Variants in KIF20B observed in about 807,000 individuals in gnomAD.
KIF20B encodes kinesin family member 20B.
Under a neutral mutation model 232.5 loss-of-function variants are expected in KIF20B, and 188 were observed. The ratio of observed to expected loss-of-function variants is 0.81; its 90% CI spans 0.72 to 0.91. The LOEUF (loss-of-function observed/expected upper bound fraction) is 0.91. Among genes scored for constraint, KIF20B ranks in the 40% least tolerant of loss-of-function variants. The pLI, the probability that KIF20B is intolerant of heterozygous loss-of-function variation, is 0.00. For missense variants in KIF20B, 2,154 were observed against 2,055.9 expected (o/e 1.05, Z -0.92); for synonymous variants, 712 against 683.0 (o/e 1.04, Z -0.66).
chr10:89,743,949 G>C (rs773821973), intron 22 of KIF20B, 22 bp downstream of exon 22: 1 of 1,567,060 alleles, frequency 6.4e-7, no homozygotes, highest in Non-Finnish European at 8.6e-7. Flanking sequence ...TGTTTTTAAA[G>C]ATGATTTAAA....
chr10:89,742,174 A>C (rs1425883120), intron 21 of KIF20B, among the ~76,000 whole-genome samples: 1 of 152,210 alleles, frequency 6.6e-6, no homozygotes, highest in Admixed American at 6.5e-5. Flanking sequence ...ACCTCACTGC[A>C]AAAGTTATGG....
Position 89,757,040 on chromosome 10 carries a change from G to GTGTA in KIF20B, c.4504-1665_4504-1664insGTAT, listed in dbSNP as rs1301847520. Among the ~76,000 whole-genome samples, 626 of 110,718 alleles carry GTGTA rather than the reference G, an allele frequency of 5.7e-3. 2 individuals carry two copies. The highest frequency in any genetic ancestry group is 8.7e-3 in the Non-Finnish European group (471 of 54,062). The allele number at this position is 110,718 out of a possible 152,430, so 72.6% of individuals were successfully genotyped here. ...ATCTCTGTTGTGTGTGTGTGTGTGT[G>GTGTA]TATATATATATATATATATATATAT... On this transcript the variant is annotated intron_variant, in intron 26 of 32. Transcript: ENST00000371728.
chr10:89,738,717 C>T (rs924083338), intron 20 of KIF20B, 100 bp downstream of exon 20: 16 of 1,391,534 alleles, frequency 1.1e-5, no homozygotes, highest in African/African-American at 4.4e-5. Context: ...TCTGGTAAAG[C>T]GTAGCATGTA....
chr10:89,739,053 AACTG>A lies in KIF20B; in HGVS notation c.3878_3881del (p.Thr1293MetfsTer15), dbSNP rs1219308363. On this transcript the variant is annotated frameshift_variant, in exon 21 of 33. Coordinates refer to ENST00000371728, the MANE Select transcript of KIF20B (RefSeq NM_001284259.2). LOFTEE classifies it high-confidence loss of function. ...GAAGATTATGCTGACCTGAAAGAGA[AACTG>A]ACTGATGCCAAAAAGCAGATTAAGC... The A allele has an allele frequency of 6.2e-7, 1 of 1,613,408 alleles. No individual in the cohort carries two copies. Among genetic ancestry groups the A allele is most frequent in the South Asian group, 1.1e-5 (1 of 90,976 alleles).
At chr10:89,718,560 GAGA>G in intron 11 of KIF20B, 147 bp from the exon 12 acceptor site, 1 of 624,970 alleles carries the variant, frequency 1.6e-6, no homozygotes, top group Non-Finnish European at 2.8e-6. Flanking sequence ...AAAGAAAACT[GAGA>G]AGGACTATTA....
At chr10:89,771,759 C>T (rs1256059998) in intron 31 of KIF20B, among the ~76,000 whole-genome samples, 7 of 152,004 alleles carry the variant, frequency 4.6e-5, no homozygotes, top group Non-Finnish European at 1.0e-4. Context: ...CTGCGAGAGC[C>T]TTTTGTTTGG....
intron 6 of KIF20B, among the ~76,000 whole-genome samples, chr10:89,713,358 CAAAA>C (rs34139175): frequency 1.1e-5 from 1 of 88,652 alleles, no homozygotes; most frequent in African/African-American, 4.5e-5. Flanking sequence ...AAGACTCTCT[CAAAA>C]AAAAAAAAAA....
intron 6 of KIF20B, among the ~76,000 whole-genome samples, chr10:89,713,075 T>C (rs1437117181): frequency 6.6e-6 from 1 of 152,080 alleles, no homozygotes; most frequent in Non-Finnish European, 1.5e-5. Context: ...GAAAAAAATT[T>C]TTCACTGGGC....
chr10:89,733,042 C>T lies in KIF20B; in HGVS notation c.2531C>T (p.Pro844Leu). The T allele has an allele frequency of 6.2e-7, 1 of 1,613,250 alleles. No homozygotes were observed. Among genetic ancestry groups the T allele is most frequent in the Non-Finnish European group, 8.5e-7 (1 of 1,179,556 alleles). Residue 844 changes from proline (P) to leucine (L), a missense_variant, in exon 19 of 33, where the codon CCA (proline) becomes CTA (leucine). Physicochemically the swap from Pro to Leu is moderately conservative, Grantham distance 98. Transcript: ENST00000371728. ...GAAAATGAACTTCAGCAAGATGAAC[C>T]ACCAGCAAAGAAAGGTACTACTTCA... ...VNENELQQDE[P>L]PAKKGSIHVS...
intron 25 of KIF20B, 93 bp downstream of exon 25, chr10:89,752,784 C>T: frequency 1.1e-6 from 1 of 899,246 alleles, no homozygotes; most frequent in Non-Finnish European, 1.5e-6. Flanking sequence ...TTTAGTAATT[C>T]ACTTAGATAT....
intron 29 of KIF20B, chr10:89,766,120 C>T (rs1032614482): frequency 6.6e-6 from 1 of 152,130 alleles, no homozygotes; most frequent in Admixed American, 6.6e-5. Context: ...TCCATTCTCC[C>T]CGTCACTTTC....
Position 89,719,821 on chromosome 10 carries a change from C to T in KIF20B, c.1722+115C>T, listed in dbSNP as rs1843012837. ...AACAGTACACTGAAGTTTTTGTGTT[C>T]AACTTTATATTTTGAAAAATTTCAA... On this transcript the variant is annotated intron_variant, in intron 13 of 32. Coordinates refer to ENST00000371728, the MANE Select transcript of KIF20B (RefSeq NM_001284259.2). 5.1e-6 allele frequency: 4 copies of T among 789,978 alleles called. No homozygotes were observed. The South Asian group carries it at 6.4e-5, about 13-fold the overall frequency. 48.9% of individuals were successfully genotyped at this position (789,978 alleles called of 1,614,324 possible). A position where few individuals can be genotyped will look rare whatever the true frequency, so the allele number is the denominator to read the frequency against.
chr10:89,742,046 TAATA>T (rs1452961960), intron 21 of KIF20B, among the ~76,000 whole-genome samples: 2 of 152,146 alleles, frequency 1.3e-5, no homozygotes, highest in Admixed American at 6.5e-5. Context: ...GTTCTTAACT[TAATA>T]AATAAAGAAA....
In KIF20B at chr10:89,751,484, T is replaced by C. The variant is rs762894417; in HGVS notation, c.4222+13T>C. 1 of 1,591,008 alleles carries C rather than the reference T, an allele frequency of 6.3e-7. No homozygotes were observed. Among genetic ancestry groups the C allele is most frequent in the Admixed American group, 1.9e-5 (1 of 53,938 alleles). On this transcript the variant is annotated intron_variant, in intron 24 of 32. Coordinates refer to ENST00000371728, the MANE Select transcript of KIF20B (RefSeq NM_001284259.2). ...AGGCTGGCCACAGGTAAAACAAGAT[T>C]GCTTACATTTCTCTAAATATACTTT...
At chr10:89,736,601 G>T (rs1414830480) in intron 19 of KIF20B, among the ~76,000 whole-genome samples, 1 of 152,046 alleles carries the variant, frequency 6.6e-6, no homozygotes, top group African/African-American at 2.4e-5. Context: ...AGTAAGTTGG[G>T]CAGGTAAGGG....
At position 89,744,972 on chromosome 10, in the gene KIF20B, C is replaced by G. The variant is rs115211095; in HGVS notation, c.4036-927C>G. 3.0e-3 allele frequency among the ~76,000 whole-genome samples: 459 copies of G among 152,236 alleles called. 3 individuals carry two copies. Among genetic ancestry groups the G allele is most frequent in the African/African-American group, 0.01 (429 of 41,530 alleles). On this transcript the variant is annotated intron_variant, in intron 22 of 32. Coordinates refer to ENST00000371728, the MANE Select transcript of KIF20B (RefSeq NM_001284259.2). ...ATTAGAACTGTAGGATATCTGGTCC[C>G]CATAATTTAATCTTGCCTCTTAAGG...
At position 89,752,563 on chromosome 10, in the gene KIF20B, T is replaced by A; in HGVS notation, c.4223-4T>A. On this transcript the variant is annotated splice_region_variant and splice_polypyrimidine_tract_variant and intron_variant, in intron 24 of 32. Transcript: ENST00000371728. ...TAAAACATAATTTTATGTCTTCAAA[T>A]CAGAATTGGAAAAATGGAAGGAAAA... 2 of 1,591,406 alleles carry A rather than the reference T, an allele frequency of 1.3e-6. No homozygotes were observed. Among genetic ancestry groups the A allele is most frequent in the Non-Finnish European group, 1.7e-6 (2 of 1,169,174 alleles).
intron 24 of KIF20B, among the ~76,000 whole-genome samples, chr10:89,751,692 C>A (rs956915635): frequency 6.6e-6 from 1 of 151,874 alleles, no homozygotes; most frequent in Non-Finnish European, 1.5e-5. Flanking sequence ...TGCATGATAA[C>A]TTACGAATTA....
intron 16 of KIF20B, among the ~76,000 whole-genome samples, chr10:89,726,809 T>C (rs1380462523): frequency 6.6e-6 from 1 of 151,922 alleles, no homozygotes; most frequent in East Asian, 1.9e-4. Flanking sequence ...AATTTTGTTA[T>C]ATATATATAT....
Sources: allele counts gnomAD v4.1 joint callset (sites outside exome capture counted in the v4.1 genomes callset), GRCh38; gene constraint gnomAD v4.1.1; transcripts MANE v1.5; gene names NCBI Gene and HGNC (gene_info 2026-07-23, HGNC 2026-07-21).